Variants in INO80D observed in about 807,000 individuals in gnomAD.
The protein encoded by INO80D is INO80 complex subunit D.
In INO80D, 21 loss-of-function variants were observed where a neutral mutation model predicts 87.6. The ratio of observed to expected loss-of-function variants is 0.24; its 90% CI spans 0.17 to 0.35. The LOEUF is 0.35. Ranked by LOEUF, INO80D falls within the 10% of genes least tolerant of loss-of-function variation. The pLI, the probability that INO80D is intolerant of heterozygous loss-of-function variation, is 1.00. For missense variants in INO80D, 982 were observed against 1,280.7 expected (o/e 0.77, Z 3.56); for synonymous variants, 440 against 491.0 (o/e 0.90, Z 1.37).
chr2:206,064,492 G>A (rs955761998), intron 1 of INO80D, among the ~76,000 whole-genome samples: 2 of 152,182 alleles, frequency 1.3e-5, no homozygotes, highest in African/African-American at 4.8e-5. Flanking sequence ...AATGCTGGAG[G>A]TGTCAGAAGA....
chr2:206,030,004 GGTA>G (rs1271717479), intron 5 of INO80D, among the ~76,000 whole-genome samples: 90 of 152,282 alleles, frequency 5.9e-4, no homozygotes, highest in Non-Finnish European at 1.2e-3. Context: ...GAATCTCCAT[GGTA>G]TAGGGCCCAG....
intron 1 of INO80D, among the ~76,000 whole-genome samples, chr2:206,063,910 C>T (rs1022219736): frequency 1.3e-5 from 2 of 152,100 alleles, no homozygotes; most frequent in Non-Finnish European, 2.9e-5. Context: ...AAATGGTAGA[C>T]CTAAAACTTC....
chr2:206,055,015 G>A (rs1413047965), intron 4 of INO80D, among the ~76,000 whole-genome samples: 1 of 152,162 alleles, frequency 6.6e-6, no homozygotes, highest in Non-Finnish European at 1.5e-5. Flanking sequence ...ACCATATCCT[G>A]ACCCTGACCA....
rs1690271505 is a variant in INO80D, at chr2:206,081,150, AG to A, written c.-124+4750del. On this transcript the variant is annotated intron_variant, in intron 1 of 10. Transcript: ENST00000403263. ...CAGATTAAGTAATTGTCATTATCCA[AG>A]GTCACACAGTCAGGATGCAAGGCCT... Among the ~76,000 whole-genome samples the A allele has an allele frequency of 3.3e-5, 5 of 152,254 alleles. No homozygotes were observed. In the South Asian group the frequency reaches 1.0e-3, roughly 32 times the overall value.
intron 5 of INO80D, among the ~76,000 whole-genome samples, chr2:206,031,263 GAA>G (rs368036529): frequency 8.5e-6 from 1 of 117,612 alleles, no homozygotes; most frequent in Non-Finnish European, 1.9e-5. Flanking sequence ...CGAAAAAAAA[GAA>G]AAAAAAAAAA....
intron 1 of INO80D, among the ~76,000 whole-genome samples, chr2:206,081,214 C>T (rs1035427647): frequency 4.6e-5 from 7 of 152,264 alleles, no homozygotes; most frequent in African/African-American, 1.2e-4. Context: ...CAATACAAAA[C>T]GACACAACTA....
intron 5 of INO80D, 98 bp downstream of exon 5, chr2:206,046,406 G>T: frequency 1.3e-6 from 1 of 778,470 alleles, no homozygotes; most frequent in Non-Finnish European, 2.2e-6. Context: ...CAGGCTTGGT[G>T]GCAGTAAGCT....
At chr2:206,042,358 A>G (rs1689071610) in intron 5 of INO80D, among the ~76,000 whole-genome samples, 1 of 152,098 alleles carries the variant, frequency 6.6e-6, no homozygotes, top group African/African-American at 2.4e-5. Flanking sequence ...ACACAAAGCA[A>G]TGAAATTAAA....
intron 4 of INO80D, 21 bp from the exon 5 acceptor site, chr2:206,046,633 T>A (rs1327704657): frequency 6.7e-7 from 1 of 1,485,266 alleles, no homozygotes; most frequent in Non-Finnish European, 9.3e-7. Flanking sequence ...CAGGAGATAT[T>A]GCAAATTAGA....
intron 4 of INO80D, among the ~76,000 whole-genome samples, chr2:206,055,577 C>T (rs1159319427): frequency 2.0e-5 from 3 of 152,148 alleles, no homozygotes; most frequent in Non-Finnish European, 4.4e-5. Flanking sequence ...AAGCATACAA[C>T]CAAACACAAC....
At position 206,004,634 on chromosome 2, in the gene INO80D, T is replaced by C; in HGVS notation, c.2818A>G (p.Ser940Gly). The change falls in exon 11 of 11, where the codon AGC (serine) becomes GGC (glycine). Residue 940 changes from serine to glycine, a missense_variant. By Grantham distance (56) the Ser-to-Gly change is moderately conservative. Transcript: ENST00000403263. The surrounding 1 kb of genome is among the most constrained non-coding windows in gnomAD (Gnocchi z 4.9). Reference protein sequence around the residue: ...TQPAFATVTPSSSSVLPGLPQ... With the variant: ...TQPAFATVTPGSSSVLPGLPQ... ...AACCCCGGAAGCACACTGGAGCTGC[T>C]GGGGGTCACGGTGGCGAAGGCAGGC... 6.2e-7 allele frequency: 1 copy of C among 1,613,126 alleles called. No individual in the cohort carries two copies.
In INO80D at chr2:206,059,387, C is replaced by CA. The variant is rs199978677; in HGVS notation, c.219-2445dup. ...CAGAGTGAGACTCAGCCTCAAAAAA[C>CA]AAAAAAAACAAAAAAGAACAGAGAA... is the stretch of plus-strand genomic sequence containing the variant. On this transcript the variant is annotated intron_variant, in intron 3 of 10. Transcript: ENST00000403263. Among the ~76,000 whole-genome samples, 250 of 150,832 alleles carry CA rather than the reference C, an allele frequency of 1.7e-3. 3 individuals are homozygous for CA. The highest frequency in any genetic ancestry group is 0.012 in the East Asian group (62 of 5,138).
At position 205,996,258 on chromosome 2, in the gene INO80D, T is replaced by C. The variant is rs1247658559; in HGVS notation, c.*8110A>G. On this transcript the variant is annotated 3_prime_UTR_variant, in exon 11 of 11. Coordinates refer to ENST00000403263, the MANE Select transcript of INO80D (RefSeq NM_017759.5). ...AAATAACAGAGAAGTTGATGAAATA[T>C]GCTTAAGCCAGATGCTTCTGGCTAG... The C allele has an allele frequency of 6.6e-6, 1 of 151,142 alleles. No homozygotes were observed. Among genetic ancestry groups the C allele is most frequent in the Non-Finnish European group, 1.5e-5 (1 of 67,782 alleles). 9.4% of individuals were successfully genotyped at this position (151,142 alleles called of 1,614,324 possible).
At chr2:206,074,737 C>T (rs1028827692) in intron 1 of INO80D, among the ~76,000 whole-genome samples, 11 of 152,212 alleles carry the variant, frequency 7.2e-5, no homozygotes, top group Non-Finnish European at 1.6e-4. Flanking sequence ...GTTAGGAGTT[C>T]AAGACCAGCC....
Position 206,085,075 on chromosome 2 carries a change from A to T in INO80D, c.-124+826T>A, listed in dbSNP as rs1056723234. ...CTTCAATGGACAGGAACTGGCAAAG[A>T]GTTTCAAAATAGCCGAGTGCGCTCC... On this transcript the variant is annotated intron_variant, in intron 1 of 10. Coordinates refer to ENST00000403263, the MANE Select transcript of INO80D (RefSeq NM_017759.5). This position sits in a 1 kb window ranked among gnomAD's most constrained non-coding sequence, Gnocchi z 4.5. Among the ~76,000 whole-genome samples, 1 of 151,910 alleles carries T rather than the reference A, an allele frequency of 6.6e-6. No individual in the cohort carries two copies. Among genetic ancestry groups the T allele is most frequent in the African/African-American group, 2.4e-5 (1 of 41,368 alleles).
At chr2:206,036,926 G>C (rs889604241) in intron 5 of INO80D, among the ~76,000 whole-genome samples, 4 of 152,116 alleles carry the variant, frequency 2.6e-5, no homozygotes, top group African/African-American at 9.7e-5. Context: ...TCCCTTGCAA[G>C]GACATAATTT....
At chr2:206,036,151 A>T (rs1469655081) in intron 5 of INO80D, among the ~76,000 whole-genome samples, 1 of 152,224 alleles carries the variant, frequency 6.6e-6, no homozygotes, top group African/African-American at 2.4e-5. Flanking sequence ...GGGAATGTAA[A>T]CTAGTACAGC....
chr2:206,048,554 CTG>C (rs1689260967), intron 4 of INO80D, among the ~76,000 whole-genome samples: 1 of 152,094 alleles, frequency 6.6e-6, no homozygotes, highest in African/African-American at 2.4e-5. Flanking sequence ...TTTTTAATGA[CTG>C]AATAATTTTT....
At chr2:206,056,977 AT>A in intron 3 of INO80D, 34 bp from the exon 4 acceptor site, 1 of 1,515,670 alleles carries the variant, frequency 6.6e-7, no homozygotes. Flanking sequence ...GAAAACAGTC[AT>A]GATACATATT....
Sources: allele counts gnomAD v4.1 joint callset (sites outside exome capture counted in the v4.1 genomes callset), GRCh38; gene constraint gnomAD v4.1.1; non-coding constraint Gnocchi (gnomAD v3.1); transcripts MANE v1.5; gene names NCBI Gene and HGNC (gene_info 2026-07-23, HGNC 2026-07-21).